The following PLD3 variants were observed in gnomAD, a reference collection of about 807,000 sequenced individuals.
PLD3 encodes 5'-3' exonuclease PLD3.
In PLD3, 31 loss-of-function variants were observed where a neutral mutation model predicts 58.4. The ratio of observed to expected loss-of-function variants is 0.53; its 90% CI spans 0.40 to 0.72. The LOEUF is 0.72. Among genes scored for constraint, PLD3 ranks in the 30% least tolerant of loss-of-function variants. The pLI is 0.00. For missense variants in PLD3, 595 were observed against 659.8 expected, an observed-to-expected ratio of 0.90 and a Z score of 1.08; for synonymous variants, 264 against 273.4, an observed-to-expected ratio of 0.97 and a Z score of 0.34.
chr19:40,373,499 C>T (rs1008019669), intron 9 of PLD3, among the ~76,000 whole-genome samples: 1 of 150,890 alleles, frequency 6.6e-6, no homozygotes, highest in South Asian at 2.1e-4. Flanking sequence ...ATCACTTGAA[C>T]CCAGGAGGTA....
At chr19:40,372,931 C>A (rs2079102469) in intron 9 of PLD3, among the ~76,000 whole-genome samples, 1 of 152,174 alleles carries the variant, frequency 6.6e-6, no homozygotes, top group Non-Finnish European at 1.5e-5. Flanking sequence ...CTCAGTAGCA[C>A]CTGTAGCAAG....
At chr19:40,358,563 T>C (rs1172558730) in intron 1 of PLD3, 1 of 152,332 alleles carries the variant, frequency 6.6e-6, no homozygotes, top group Admixed American at 6.5e-5. Flanking sequence ...CCTAGCCAAT[T>C]TTTTAAGTTT....
chr19:40,371,688 G>A lies in PLD3; in HGVS notation c.694G>A (p.Val232Met), dbSNP rs145999145. Residue 232 changes from valine (V) to methionine (M), a missense_variant, in exon 9 of 13, where the codon GTG (valine) becomes ATG (methionine). Transcript: ENST00000409735. ...CCTCCTACAGGTCAAGGAGCTGGGC[G>A]TGGTCATGTACAACTGCAGCTGCCT... ...RSLTQVKELG[V>M]VMYNCSCLAR... 8,078 of 1,613,184 alleles carry A rather than the reference G, an allele frequency of 5.0e-3. 25 individuals are homozygous for A. Among genetic ancestry groups the A allele is most frequent in the Non-Finnish European group, 6.2e-3 (7,266 of 1,179,480 alleles).
At position 40,371,864 on chromosome 19, in the gene PLD3, C is replaced by T; in HGVS notation, c.870C>T (p.Ala290=). ...GCCTCAATGGAACCCCTGCTCTGGC[C>T]TACCTGGCGGTGAGTCTGGGGCAAG... ...EICLNGTPAL[A]YLASAPPPLC... is the part of the protein sequence containing the mutation. Residue 290 remains alanine, a synonymous_variant, in exon 9 of 13, where the codon GCC becomes GCT. Transcript: ENST00000409735. 6.2e-7 allele frequency: 1 copy of T among 1,613,886 alleles called. No homozygotes were observed. The highest frequency in any genetic ancestry group is 8.5e-7 in the Non-Finnish European group (1 of 1,179,936).
intron 1 of PLD3, chr19:40,355,940 T>C (rs968561115): frequency 6.6e-6 from 1 of 152,138 alleles, no homozygotes; most frequent in Admixed American, 6.6e-5. Flanking sequence ...AATTTAGAAG[T>C]GTTCACCATT....
chr19:40,371,936 T>A, intron 9 of PLD3, 63 bp downstream of exon 9: 5 of 1,343,322 alleles, frequency 3.7e-6, no homozygotes, highest in Non-Finnish European at 5.3e-6. Context: ...ACAGCCTCCA[T>A]CTGTCCCTGT....
chr19:40,363,890 T>A (rs2078848951), intron 1 of PLD3, among the ~76,000 whole-genome samples: 3 of 152,200 alleles, frequency 2.0e-5, no homozygotes, highest in Non-Finnish European at 4.4e-5. Context: ...GGGGAGCACC[T>A]AGCTCTGAGA....
rs761977893 is a variant in PLD3 at position 40,370,199 on chromosome 19, C to T, written c.640C>T (p.Leu214=). The T allele has an allele frequency of 3.1e-6, 5 of 1,613,936 alleles. No individual in the cohort carries two copies. The South Asian group carries it at 3.3e-5, about 11-fold the overall frequency. ...FWVVDQTHFY[L]GSANMDWRSL... The stretch of plus-strand genomic sequence containing the variant: ...GGTGGTGGACCAGACCCACTTCTAC[C>T]TGGGCAGTGCCAACATGGACTGGCG... Residue 214 remains leucine (L), a synonymous_variant, in exon 8 of 13, where the codon CTG becomes TTG. Coordinates refer to ENST00000409735, the MANE Select transcript of PLD3 (RefSeq NM_012268.4).
chr19:40,365,070 C>G (rs908826652), intron 1 of PLD3, among the ~76,000 whole-genome samples: 1 of 152,238 alleles, frequency 6.6e-6, no homozygotes, highest in Non-Finnish European at 1.5e-5. Flanking sequence ...TTGCTTCTCT[C>G]AGTAATACTC....
intron 10 of PLD3, among the ~76,000 whole-genome samples, chr19:40,375,992 G>T (rs868740617): frequency 6.6e-6 from 1 of 152,052 alleles, no homozygotes; most frequent in Non-Finnish European, 1.5e-5. Context: ...GTTGGAGGCT[G>T]CATTGAGCTA....
At chr19:40,377,913 T>C (rs2079279307) in intron 12 of PLD3, 28 bp downstream of exon 12, 2 of 1,613,042 alleles carry the variant, frequency 1.2e-6, no homozygotes. Flanking sequence ...CACGGGGCGC[T>C]GAAGAAGAGG....
Position 40,366,922 on chromosome 19 carries a change from G to C in PLD3, c.245+7G>C, listed in dbSNP as rs774230341. 8.8e-6 allele frequency: 14 copies of C among 1,590,756 alleles called. No homozygotes were observed. The highest frequency in any genetic ancestry group is 1.3e-5 in the African/African-American group (1 of 74,358). ...CCTGCTATGACCCTTGCGAGTAAGT[G>C]GGGGGTGCTGCAGTTGGTGGGGGAG... On this transcript the variant is annotated splice_region_variant and intron_variant, in intron 5 of 12. Coordinates refer to ENST00000409735, the MANE Select transcript of PLD3 (RefSeq NM_012268.4).
chr19:40,354,445 C>T (rs1480280538), intron 1 of PLD3, among the ~76,000 whole-genome samples: 1 of 152,014 alleles, frequency 6.6e-6, no homozygotes, highest in African/African-American at 2.4e-5. Context: ...AACTCCTGGG[C>T]TTAAGTAATC....
chr19:40,365,835 CCCT>C lies in PLD3; in HGVS notation c.-155_-153del, dbSNP rs1267551136. 3.3e-5 allele frequency: 5 copies of C among 153,800 alleles called. No individual in the cohort carries two copies. The highest frequency in any genetic ancestry group is 1.9e-4 in the East Asian group (1 of 5,212). The allele number at this position is 153,800 out of a possible 1,614,324, so 9.5% of individuals were successfully genotyped here. A position where few individuals can be genotyped will look rare whatever the true frequency, so the allele number is the denominator to read the frequency against. On this transcript the variant is annotated 5_prime_UTR_variant, in exon 2 of 13. Transcript: ENST00000409735. ...GGGCGGAGCTCCCACAGGCCCCGCCCCCTCCTCCCACCCTCGTTCAGCCTGTCC... is the reference window on the plus strand; with the variant it reads ...GGGCGGAGCTCCCACAGGCCCCGCCCCCTCCCACCCTCGTTCAGCCTGTCC...
At chr19:40,372,455 C>T (rs1411468720) in intron 9 of PLD3, among the ~76,000 whole-genome samples, 1 of 151,764 alleles carries the variant, frequency 6.6e-6, no homozygotes, top group Non-Finnish European at 1.5e-5. Context: ...CATGATCACA[C>T]CACTGTACTC....
At chr19:40,354,674 T>C (rs1309131978) in intron 1 of PLD3, among the ~76,000 whole-genome samples, 2 of 151,826 alleles carry the variant, frequency 1.3e-5, no homozygotes, top group Non-Finnish European at 2.9e-5. Context: ...TACAAGTGCG[T>C]ACCACCACGC....
chr19:40,359,628 C>T (rs1001572034), intron 1 of PLD3: 37 of 152,284 alleles, frequency 2.4e-4, no homozygotes, highest in African/African-American at 8.9e-4. Context: ...GGCACCCTAG[C>T]TAGGAGCCTG....
intron 1 of PLD3, chr19:40,358,752 T>G (rs1284735185): frequency 1.3e-5 from 2 of 152,298 alleles, no homozygotes; most frequent in Non-Finnish European, 2.9e-5. Context: ...TAAAGCCCCA[T>G]GCTCAGCATC....
intron 1 of PLD3, among the ~76,000 whole-genome samples, chr19:40,362,773 C>T (rs556492356): frequency 6.6e-6 from 1 of 151,996 alleles, no homozygotes; most frequent in South Asian, 2.1e-4. Context: ...CAAAAGTTAA[C>T]ACAATAAGAA....
Sources: gnomAD v4.1 joint callset for allele counts (sites outside exome capture counted in the v4.1 genomes callset) on GRCh38, gnomAD v4.1.1 for gene constraint, MANE v1.5 for transcripts, NCBI Gene and HGNC (gene_info 2026-07-23, HGNC 2026-07-21) for gene names.